The following SLC30A9 variants were observed in gnomAD, a reference collection of about 807,000 sequenced individuals.
SLC30A9 encodes the protein solute carrier family 30 member 9.
SLC30A9 carries 58 observed loss-of-function variants against 87.5 expected under a neutral mutation model. The observed-to-expected ratio is 0.66, with a 90% confidence interval of 0.54 to 0.82. SLC30A9 has a LOEUF of 0.82. Among genes scored for constraint, SLC30A9 ranks in the 40% least tolerant of loss-of-function variants. The pLI, the probability that SLC30A9 is intolerant of heterozygous loss-of-function variation, is 0.00. For missense variants in SLC30A9, 557 were observed against 679.1 expected, an observed-to-expected ratio of 0.82 and a Z score of 2.00; for synonymous variants, 234 against 233.0, an observed-to-expected ratio of 1.00 and a Z score of -0.04.
chr4:41,997,253 A>G (rs975988157), intron 1 of SLC30A9, among the ~76,000 whole-genome samples: 6 of 151,898 alleles, frequency 4.0e-5, no homozygotes, highest in Non-Finnish European at 8.8e-5. Flanking sequence ...TCCAGGTCAC[A>G]CTTTTGCTTG....
chr4:42,037,554 T>C (rs1248885156), intron 7 of SLC30A9, among the ~76,000 whole-genome samples: 1 of 152,154 alleles, frequency 6.6e-6, no homozygotes, highest in Non-Finnish European at 1.5e-5. Flanking sequence ...GCACCAATAA[T>C]GCTTTGAACA....
intron 6 of SLC30A9, among the ~76,000 whole-genome samples, chr4:42,030,599 T>TTG (rs1553916321): frequency 6.7e-5 from 10 of 148,490 alleles, no homozygotes; most frequent in African/African-American, 2.5e-4. Flanking sequence ...TTTTTTTTTT[T>TTG]GGGCTCTTTC....
intron 16 of SLC30A9, among the ~76,000 whole-genome samples, chr4:42,076,501 C>T (rs967326755): frequency 7.9e-5 from 12 of 152,110 alleles, no homozygotes; most frequent in African/African-American, 2.9e-4. Context: ...TGGTATCCTA[C>T]TGTATGCGTC....
intron 17 of SLC30A9, chr4:42,078,544 A>T: frequency 3.1e-6 from 1 of 320,038 alleles, no homozygotes; most frequent in South Asian, 8.4e-5. Flanking sequence ...CAGATTCTTT[A>T]CTTTTAAACA....
At chr4:42,033,668 T>C (rs1036886952) in intron 6 of SLC30A9, among the ~76,000 whole-genome samples, 29 of 152,226 alleles carry the variant, frequency 1.9e-4, no homozygotes, top group African/African-American at 2.9e-4. Context: ...CTCCGCCTCC[T>C]GGGTTCAAGC....
At chr4:42,017,341 T>G (rs114633076) in intron 2 of SLC30A9, among the ~76,000 whole-genome samples, 1 of 149,748 alleles carries the variant, frequency 6.7e-6, no homozygotes, top group African/African-American at 2.4e-5. Flanking sequence ...GTTGGAAATA[T>G]CTTCTCTCAG....
In SLC30A9 at chr4:42,070,555, T is replaced by C. The variant is rs1295999844; in HGVS notation, c.1282T>C (p.Leu428=). ...TCCACTGTATGACAGCCTAGGTTCT[T>C]TGGGTGTGGGCACCTTATTAGGCAT... ...GNPLYDSLGS[L]GVGTLLGMVS... is the part of the protein sequence containing the mutation. Residue 428 remains leucine, a synonymous_variant, in exon 15 of 18, where the codon TTG becomes CTG. Transcript: ENST00000264451. 1 of 1,613,840 alleles carries C rather than the reference T, an allele frequency of 6.2e-7. No individual in the cohort carries two copies. The highest frequency in any genetic ancestry group is 1.1e-5 in the South Asian group (1 of 91,034).
chr4:41,990,710 G>C lies in SLC30A9; in HGVS notation c.59G>C (p.Arg20Pro). ...AGATGTAGCTGGTCCTCCCTGTGCCGGCTCCGTCTGCGATGCAGGGCGGCG... is the reference window on the plus strand; with the variant it reads ...AGATGTAGCTGGTCCTCCCTGTGCCCGCTCCGTCTGCGATGCAGGGCGGCG... ...AHRCSWSSLC[R>P]LRLRCRAAAC... is the part of the protein sequence containing the mutation. Residue 20 changes from arginine (R) to proline (P), a missense_variant, in exon 1 of 18, where the codon CGG becomes CCG. By Grantham distance (103) the Arg-to-Pro change is moderately radical. Around this residue, in one of 2 missense-constraint regions of SLC30A9, gnomAD observed 467 missense variants for 529.8 expected, o/e 0.88. Coordinates refer to ENST00000264451, the MANE Select transcript of SLC30A9 (RefSeq NM_006345.4). 1.2e-6 allele frequency: 2 copies of C among 1,612,126 alleles called. No homozygotes were observed. Among genetic ancestry groups the C allele is most frequent in the Non-Finnish European group, 1.7e-6 (2 of 1,179,406 alleles).
At chr4:42,055,517 G>A (rs553152276) in intron 9 of SLC30A9, among the ~76,000 whole-genome samples, 1 of 152,126 alleles carries the variant, frequency 6.6e-6, no homozygotes, top group Non-Finnish European at 1.5e-5. Context: ...TTCCCGAATA[G>A]CTGGGACTAC....
intron 17 of SLC30A9, among the ~76,000 whole-genome samples, chr4:42,079,770 G>A (rs915201379): frequency 2.0e-5 from 3 of 151,612 alleles, no homozygotes; most frequent in African/African-American, 7.3e-5. Context: ...ACCACGCCTG[G>A]CTAATTTTTG....
chr4:42,044,500 C>T (rs557808332), intron 8 of SLC30A9, among the ~76,000 whole-genome samples: 37 of 151,802 alleles, frequency 2.4e-4, no homozygotes, highest in Admixed American at 7.9e-4. Context: ...GGGATCAATG[C>T]AACAAGAAGA....
intron 1 of SLC30A9, among the ~76,000 whole-genome samples, chr4:42,001,181 A>G (rs1210232566): frequency 2.0e-5 from 3 of 152,028 alleles, no homozygotes; most frequent in Non-Finnish European, 4.4e-5. Context: ...TGAATGAATG[A>G]TTAATATAAT....
intron 2 of SLC30A9, among the ~76,000 whole-genome samples, chr4:42,013,379 G>T (rs528052551): frequency 9.6e-4 from 146 of 152,206 alleles, no homozygotes; most frequent in African/African-American, 2.5e-3. Flanking sequence ...AGATACTACT[G>T]CAAATCACCC....
intron 6 of SLC30A9, among the ~76,000 whole-genome samples, chr4:42,034,951 C>A (rs892285228): frequency 6.6e-6 from 1 of 151,918 alleles, no homozygotes; most frequent in African/African-American, 2.4e-5. Context: ...TTTTCTGTTT[C>A]TTGTTTTTTT....
At chr4:42,008,473 A>G (rs74997359) in intron 2 of SLC30A9, among the ~76,000 whole-genome samples, 3,586 of 152,306 alleles carry the variant, frequency 0.024, 148 homozygotes, top group African/African-American at 0.082. Context: ...AAGTGAGTGA[A>G]TGCTTAGAGT....
intron 2 of SLC30A9, among the ~76,000 whole-genome samples, chr4:42,006,491 A>T (rs1361809908): frequency 6.6e-6 from 1 of 152,174 alleles, no homozygotes; most frequent in Non-Finnish European, 1.5e-5. Flanking sequence ...GTTCGAGACC[A>T]GCCTGAGCAA....
chr4:41,990,846 C>G, intron 1 of SLC30A9, 86 bp downstream of exon 1: 3 of 950,522 alleles, frequency 3.2e-6, no homozygotes, highest in Non-Finnish European at 4.8e-6. Context: ...GGGCAATTCG[C>G]CCACTTGCCT....
At chr4:42,005,536 C>T (rs1440207302) in intron 2 of SLC30A9, among the ~76,000 whole-genome samples, 1 of 152,184 alleles carries the variant, frequency 6.6e-6, no homozygotes, top group East Asian at 1.9e-4. Flanking sequence ...TCAGTGTCCC[C>T]TGTTAGACTC....
chr4:42,036,373 G>T (rs1716676465), intron 7 of SLC30A9, among the ~76,000 whole-genome samples: 1 of 152,018 alleles, frequency 6.6e-6, no homozygotes, highest in Non-Finnish European at 1.5e-5. Context: ...TTAATATTGG[G>T]ACACATGTAG....
Sources: gnomAD v4.1 joint callset for allele counts (sites outside exome capture counted in the v4.1 genomes callset) on GRCh38, gnomAD v4.1.1 for gene constraint, gnomAD v4.1.1 regional missense constraint, MANE v1.5 for transcripts, NCBI Gene and HGNC (gene_info 2026-07-23, HGNC 2026-07-21) for gene names.